The following TRPS1 variants were observed in gnomAD, a reference collection of about 807,000 sequenced individuals.
TRPS1 encodes transcriptional repressor GATA binding 1.
Under a neutral mutation model 101.2 loss-of-function variants are expected in TRPS1, and 6 were observed. The observed-to-expected ratio is 0.06, with a 90% CI of 0.03 to 0.12. The LOEUF (loss-of-function observed/expected upper bound fraction) is 0.12, where lower values mean the gene tolerates loss of function less well. TRPS1 is among the 10% of genes least tolerant of loss of function. The pLI is 1.00. For missense variants in TRPS1, 1,363 were observed against 1,567.0 expected (o/e 0.87, Z 2.20); for synonymous variants, 578 against 589.8 (o/e 0.98, Z 0.29).
chr8:115,577,393 A>T (rs1469910279), intron 5 of TRPS1, among the ~76,000 whole-genome samples: 1 of 152,138 alleles, frequency 6.6e-6, no homozygotes, highest in East Asian at 1.9e-4. Context: ...TTTAGCATAT[A>T]GGTAGCACAA....
At chr8:115,629,828 C>T (rs1818599391) in intron 1 of TRPS1, among the ~76,000 whole-genome samples, 1 of 151,856 alleles carries the variant, frequency 6.6e-6, no homozygotes, top group Non-Finnish European at 1.5e-5. Context: ...CTCCACTCCA[C>T]TCAGTCTGTG....
chr8:115,490,839 C>T (rs1253903536), intron 5 of TRPS1, among the ~76,000 whole-genome samples: 2 of 152,094 alleles, frequency 1.3e-5, no homozygotes, highest in Non-Finnish European at 2.9e-5. Flanking sequence ...AATTTGAAAG[C>T]GATCACTCCT....
rs1376695192 is a variant in TRPS1 at position 115,603,951 on chromosome 8, A to G, written c.2018T>C (p.Val673Ala). ...ACATGAGTGTTCTTTGCTTTCCTTG[A>G]CAGACTGCTGCCCATCCGATCCTTG... The part of the protein sequence containing the change: ...HLQGSDGQQS[V>A]KESKEHSCTK... The change falls in exon 4 of 7, where the codon GTC becomes GCC. Residue 673 changes from valine (V) to alanine (A), a missense_variant. Coordinates refer to ENST00000395715, the MANE Select transcript of TRPS1 (RefSeq NM_014112.5). The G allele has an allele frequency of 6.2e-7, 1 of 1,613,800 alleles. No individual in the cohort carries two copies. The highest frequency in any genetic ancestry group is 2.2e-5 in the East Asian group (1 of 44,872).
At chr8:115,441,632 AT>A (rs977194000) in intron 5 of TRPS1, among the ~76,000 whole-genome samples, 1 of 151,984 alleles carries the variant, frequency 6.6e-6, no homozygotes, top group Non-Finnish European at 1.5e-5. Context: ...TTAGGTGTTC[AT>A]TTTGTAATAT....
At chr8:115,428,106 G>A (rs1813233857) in intron 5 of TRPS1, among the ~76,000 whole-genome samples, 1 of 152,042 alleles carries the variant, frequency 6.6e-6, no homozygotes, top group Non-Finnish European at 1.5e-5. Flanking sequence ...ACATGTTCAG[G>A]TAACAATTTA....
chr8:115,507,216 G>C (rs1339348222), intron 5 of TRPS1, among the ~76,000 whole-genome samples: 2 of 152,056 alleles, frequency 1.3e-5, no homozygotes, highest in Non-Finnish European at 2.9e-5. Flanking sequence ...CTGCAAGCTC[G>C]TTCGTTTGTC....
At chr8:115,615,767 A>C (rs1003726596) in intron 3 of TRPS1, among the ~76,000 whole-genome samples, 6 of 152,198 alleles carry the variant, frequency 3.9e-5, no homozygotes, top group Admixed American at 3.9e-4. Flanking sequence ...ATCTCCAAAA[A>C]GAAAAAGAAA....
chr8:115,496,999 A>G (rs1342402009), intron 5 of TRPS1, among the ~76,000 whole-genome samples: 2 of 152,344 alleles, frequency 1.3e-5, no homozygotes, highest in South Asian at 2.1e-4. Flanking sequence ...TAATGTTTTC[A>G]TATGTCCAAA....
At chr8:115,539,335 G>C (rs1174384133) in intron 5 of TRPS1, among the ~76,000 whole-genome samples, 3 of 152,080 alleles carry the variant, frequency 2.0e-5, no homozygotes, top group Non-Finnish European at 4.4e-5. Context: ...AAAAATTTCT[G>C]GGCTCTAACT....
In TRPS1 at chr8:115,545,732, T is replaced by C. The variant is rs186652525; in HGVS notation, c.2700+41269A>G. Reference sequence around the variant, plus strand: ...TTATGAAAAATTCCAATACAACTAATGATCTCATCAGTCAAATTCATACTA... The same window carrying C: ...TTATGAAAAATTCCAATACAACTAACGATCTCATCAGTCAAATTCATACTA... On this transcript the variant is annotated intron_variant, in intron 5 of 6. Coordinates refer to ENST00000395715, the MANE Select transcript of TRPS1 (RefSeq NM_014112.5). Among the ~76,000 whole-genome samples, 26 of 152,288 alleles carry C rather than the reference T, an allele frequency of 1.7e-4. No homozygotes were observed. The East Asian group carries it at 4.8e-3, about 28-fold the overall frequency.
intron 5 of TRPS1, among the ~76,000 whole-genome samples, chr8:115,580,581 G>A (rs539769072): frequency 1.3e-5 from 2 of 152,174 alleles, no homozygotes; most frequent in Admixed American, 6.6e-5. Context: ...GAAAAGAGAA[G>A]CCAAGCAAAA....
chr8:115,480,476 T>C (rs943165144), intron 5 of TRPS1, among the ~76,000 whole-genome samples: 2 of 152,096 alleles, frequency 1.3e-5, no homozygotes, highest in Non-Finnish European at 2.9e-5. Flanking sequence ...GAAGAATAAA[T>C]GTTAATAAGG....
chr8:115,426,346 T>G (rs1397360511), intron 5 of TRPS1, among the ~76,000 whole-genome samples: 2 of 152,078 alleles, frequency 1.3e-5, no homozygotes, highest in African/African-American at 4.8e-5. Flanking sequence ...TGGGATAGGT[T>G]CATATTCTAA....
At chr8:115,486,483 G>T (rs1436873269) in intron 5 of TRPS1, among the ~76,000 whole-genome samples, 1 of 152,220 alleles carries the variant, frequency 6.6e-6, no homozygotes, top group Non-Finnish European at 1.5e-5. Context: ...TAAGCTTAGT[G>T]AGGAAAGCAC....
At chr8:115,610,841 G>A (rs1175132256) in intron 3 of TRPS1, among the ~76,000 whole-genome samples, 5 of 152,004 alleles carry the variant, frequency 3.3e-5, no homozygotes, top group African/African-American at 1.2e-4. Flanking sequence ...AATAGGCCGG[G>A]GACAGTGGCT....
chr8:115,491,371 C>G (rs570518562), intron 5 of TRPS1, among the ~76,000 whole-genome samples: 1 of 152,092 alleles, frequency 6.6e-6, no homozygotes, highest in Non-Finnish European at 1.5e-5. Context: ...AGGGTGTTAG[C>G]GCATTAGATC....
At chr8:115,535,309 T>TATATAGAGCATAC (rs1477829358) in intron 5 of TRPS1, among the ~76,000 whole-genome samples, 1 of 147,828 alleles carries the variant, frequency 6.8e-6, no homozygotes, top group Non-Finnish European at 1.5e-5. Context: ...ATATATAGCA[T>TATATAGAGCATAC]ATATAGCATA....
At chr8:115,443,653 G>T (rs1311105207) in intron 5 of TRPS1, among the ~76,000 whole-genome samples, 2 of 152,168 alleles carry the variant, frequency 1.3e-5, no homozygotes, top group African/African-American at 2.4e-5. Context: ...TCTCCTCAAT[G>T]CAATGTCTTC....
At chr8:115,578,668 T>TAGGGA (rs947970404) in intron 5 of TRPS1, among the ~76,000 whole-genome samples, 1 of 152,050 alleles carries the variant, frequency 6.6e-6, no homozygotes, top group Non-Finnish European at 1.5e-5. Flanking sequence ...CATGATCCTA[T>TAGGGA]ACTTGAATAA....
Sources: allele counts gnomAD v4.1 joint callset (sites outside exome capture counted in the v4.1 genomes callset), GRCh38; gene constraint gnomAD v4.1.1; transcripts MANE v1.5; gene names NCBI Gene and HGNC (gene_info 2026-07-23, HGNC 2026-07-21).